The following PLS3 variants were observed in gnomAD, a reference collection of about 807,000 sequenced individuals.
PLS3 encodes the protein plastin 3, also known as plastin-3.
In PLS3, 11 loss-of-function variants were observed where a neutral mutation model predicts 46.5. That is an observed-to-expected ratio of 0.24 (90% confidence interval 0.15 to 0.39). PLS3 has a LOEUF of 0.39. PLS3 is among the 10% of genes least tolerant of loss of function. PLS3 has a pLI of 1.00. For synonymous variants in PLS3, 167 were observed against 162.2 expected, an observed-to-expected ratio of 1.03 and a Z score of -0.22; for missense variants, 308 against 461.8, an observed-to-expected ratio of 0.67 and a Z score of 3.05.
At chrX:115,575,173 A>G (rs140755193) in intron 1 of PLS3, among the ~76,000 whole-genome samples, 1,146 of 112,050 alleles carry the variant, frequency 0.01, 4 homozygotes, top group Non-Finnish European at 0.015. Context: ...TGTAGCAAGT[A>G]TCAGTACTCT....
intron 3 of PLS3, among the ~76,000 whole-genome samples, chrX:115,623,717 G>A (rs980140883): frequency 3.6e-4 from 40 of 110,947 alleles, no homozygotes; most frequent in African/African-American, 1.1e-3. Context: ...ATGTCCCAGC[G>A]CTCCTATCCT....
intron 2 of PLS3, among the ~76,000 whole-genome samples, chrX:115,619,475 C>T (rs1280535523): frequency 8.9e-6 from 1 of 112,382 alleles, no homozygotes; most frequent in Non-Finnish European, 1.9e-5. Flanking sequence ...AATTTTGCCT[C>T]AGTGCCATGG....
intron 2 of PLS3, among the ~76,000 whole-genome samples, chrX:115,616,264 A>C (rs1357336654): frequency 1.8e-5 from 2 of 112,105 alleles, no homozygotes; most frequent in African/African-American, 6.5e-5. Context: ...CAAAAAATTA[A>C]ATTGTCTTTT....
At chrX:115,590,168 T>C (rs1265599348) in intron 1 of PLS3, among the ~76,000 whole-genome samples, 1 of 111,694 alleles carries the variant, frequency 9.0e-6, no homozygotes, top group East Asian at 2.8e-4. Context: ...GCCTGAACTC[T>C]TAACTGTATG....
At chrX:115,622,513 A>G in intron 3 of PLS3, 104 bp downstream of exon 3, 2 of 449,785 alleles carry the variant, frequency 4.4e-6, no homozygotes, top group Non-Finnish European at 7.4e-6. Flanking sequence ...TAAATATATC[A>G]TATTAGTACT....
At chrX:115,587,684 G>A (rs1423935342) in intron 1 of PLS3, among the ~76,000 whole-genome samples, 4 of 106,150 alleles carry the variant, frequency 3.8e-5, no homozygotes, top group African/African-American at 1.4e-4. Context: ...GCAGTGAGCC[G>A]AGATCGCGCC....
chrX:115,589,325 A>C (rs909120025), intron 1 of PLS3, among the ~76,000 whole-genome samples: 2 of 111,822 alleles, frequency 1.8e-5, no homozygotes, highest in Non-Finnish European at 3.8e-5. Flanking sequence ...ATATGAAAAA[A>C]ATGATTACAT....
At chrX:115,635,666 AAAAG>A (rs1271189960) in intron 7 of PLS3, among the ~76,000 whole-genome samples, 15 of 103,801 alleles carry the variant, frequency 1.4e-4, no homozygotes, top group Admixed American at 4.2e-4. Flanking sequence ...AAAAAAAAAA[AAAAG>A]AAAGAAAGAA....
chrX:115,614,444 A>C (rs1435304649), intron 2 of PLS3: 1 of 751,590 alleles, frequency 1.3e-6, no homozygotes, highest in Admixed American at 8.8e-5. Flanking sequence ...CCACTAGTAC[A>C]GTGAATTCTA....
chrX:115,614,544 G>C (rs1278798268), intron 2 of PLS3: 3 of 751,614 alleles, frequency 4.0e-6, no homozygotes, highest in Non-Finnish European at 4.7e-6. Flanking sequence ...GGTATAAGCT[G>C]TGAGAAGCAA....
chrX:115,597,426 C>T (rs1163479374), intron 1 of PLS3, among the ~76,000 whole-genome samples: 1 of 111,284 alleles, frequency 9.0e-6, no homozygotes, highest in African/African-American at 3.3e-5. Flanking sequence ...TTTAAGTCTC[C>T]CTTAAAGGTT....
intron 3 of PLS3, among the ~76,000 whole-genome samples, chrX:115,622,722 T>C (rs781923874): frequency 2.0e-4 from 22 of 111,288 alleles, no homozygotes; most frequent in African/African-American, 6.9e-4. Context: ...CTAAGTGACA[T>C]CTTTGAAGTG....
rs2147558232 is a variant in PLS3 at position 115,636,818 on chromosome X, T to C, written c.749-18T>C. Reference sequence around the variant, plus strand: ...TGTGTCATATAATAACTGTGGGATTTTTTTTTTTTTCTTCTAGCCTTGGCT... The same window carrying C: ...TGTGTCATATAATAACTGTGGGATTCTTTTTTTTTTCTTCTAGCCTTGGCT... On this transcript the variant is annotated intron_variant, in intron 7 of 15. Coordinates refer to ENST00000355899, the MANE Select transcript of PLS3 (RefSeq NM_005032.7). 8.5e-7 allele frequency: 1 copy of C among 1,171,429 alleles called. No individual in the cohort carries two copies. The highest frequency in any genetic ancestry group is 1.8e-5 in the African/African-American group (1 of 55,609).
chrX:115,572,330 T>A (rs1021556893), intron 1 of PLS3, among the ~76,000 whole-genome samples: 1 of 110,661 alleles, frequency 9.0e-6, no homozygotes, highest in African/African-American at 3.3e-5. Flanking sequence ...CTCTATTTTT[T>A]AAAAAATAAA....
intron 8 of PLS3, among the ~76,000 whole-genome samples, chrX:115,637,657 C>A (rs5987957): frequency 9.0e-6 from 1 of 110,865 alleles, no homozygotes; most frequent in East Asian, 2.9e-4. Flanking sequence ...GCCAACATTA[C>A]CATAGCAAAC....
At chrX:115,584,666 T>C (rs886955483) in intron 1 of PLS3, among the ~76,000 whole-genome samples, 5 of 112,125 alleles carry the variant, frequency 4.5e-5, no homozygotes, top group Non-Finnish European at 9.4e-5. Flanking sequence ...TTAATTTGTA[T>C]TGGGGGAGGT....
intron 10 of PLS3, among the ~76,000 whole-genome samples, chrX:115,644,725 G>A (rs961663427): frequency 9.0e-6 from 1 of 111,391 alleles, no homozygotes; most frequent in Admixed American, 9.6e-5. Context: ...ATGCAGATTC[G>A]AGGAAATATT....
chrX:115,646,586 G>A, intron 13 of PLS3, 51 bp downstream of exon 13: 11 of 1,076,079 alleles, frequency 1.0e-5, no homozygotes, highest in Middle Eastern at 2.5e-4. Context: ...ACAGGTCTGT[G>A]ATTTAGTCCT....
intron 1 of PLS3, among the ~76,000 whole-genome samples, chrX:115,566,385 C>CTGTTT (rs1556630098): frequency 1.4e-4 from 15 of 110,928 alleles, no homozygotes; most frequent in African/African-American, 4.9e-4. Flanking sequence ...TTGTTTTGTT[C>CTGTTT]TGTTTTGTTT....
Sources: gnomAD v4.1 joint callset for allele counts (sites outside exome capture counted in the v4.1 genomes callset) on GRCh38, gnomAD v4.1.1 for gene constraint, MANE v1.5 for transcripts, NCBI Gene and HGNC (gene_info 2026-07-23, HGNC 2026-07-21) for gene names.